ARL15: variants seen among roughly 807,000 people sequenced by gnomAD.
ARL15 encodes the protein ADP-ribosylation factor-like protein 15.
ARL15 carries 19 observed loss-of-function variants against 25.2 expected under a neutral mutation model. The observed-to-expected ratio is 0.75, with a 90% CI of 0.53 to 1.10. The LOEUF is 1.10. Among genes scored for constraint, ARL15 ranks in the 50% least tolerant of loss-of-function variants. ARL15 has a pLI of 0.00. For synonymous variants in ARL15, 94 were observed against 86.8 expected, an observed-to-expected ratio of 1.08 and a Z score of -0.46; for missense variants, 220 against 246.0, an observed-to-expected ratio of 0.89 and a Z score of 0.71.
chr5:54,170,042 G>A (rs1168278148), intron 2 of ARL15, among the ~76,000 whole-genome samples: 1 of 152,096 alleles, frequency 6.6e-6, no homozygotes, highest in Non-Finnish European at 1.5e-5. Context: ...AAAAGCTGAC[G>A]TGAACTGAAG....
chr5:54,262,943 T>C (rs919088267), intron 1 of ARL15, among the ~76,000 whole-genome samples: 2 of 152,290 alleles, frequency 1.3e-5, no homozygotes, highest in South Asian at 4.1e-4. Context: ...AGGGAGTCAC[T>C]GGGCAGTAAA....
intron 4 of ARL15, among the ~76,000 whole-genome samples, chr5:53,979,623 G>A (rs921575648): frequency 2.6e-5 from 4 of 152,060 alleles, no homozygotes; most frequent in Non-Finnish European, 5.9e-5. Flanking sequence ...TTTAGCAGAG[G>A]TGCCAGAAGC....
chr5:54,253,951 C>T (rs942721226), intron 1 of ARL15, among the ~76,000 whole-genome samples: 7 of 152,160 alleles, frequency 4.6e-5, no homozygotes, highest in African/African-American at 1.7e-4. Context: ...TTTTCCTAAA[C>T]TAAAAGAACT....
intron 1 of ARL15, among the ~76,000 whole-genome samples, chr5:54,272,771 T>C (rs1420703161): frequency 1.3e-5 from 2 of 152,200 alleles, no homozygotes; most frequent in Non-Finnish European, 2.9e-5. Context: ...AAGGTAAAAA[T>C]TGTTTTTTCC....
At chr5:53,990,542 C>A (rs75241215) in intron 4 of ARL15, among the ~76,000 whole-genome samples, 1 of 152,124 alleles carries the variant, frequency 6.6e-6, no homozygotes, top group South Asian at 2.1e-4. Flanking sequence ...ACAGCCAAGA[C>A]AGTTTAGCTC....
At chr5:53,951,393 G>A in intron 4 of ARL15, 1 of 422,660 alleles carries the variant, frequency 2.4e-6, no homozygotes. Context: ...CATATACTTT[G>A]GATGTTGCAG....
chr5:54,076,736 T>C (rs1396292612), intron 4 of ARL15, among the ~76,000 whole-genome samples: 1 of 151,940 alleles, frequency 6.6e-6, no homozygotes, highest in Admixed American at 6.6e-5. Flanking sequence ...ACTTAAAAGA[T>C]GAAACTAAAT....
chr5:54,299,511 G>A (rs928655637), intron 1 of ARL15, among the ~76,000 whole-genome samples: 1 of 150,206 alleles, frequency 6.7e-6, no homozygotes, highest in Non-Finnish European at 1.5e-5. Context: ...AAAATACTGA[G>A]CACTGTGCCT....
chr5:53,964,730 C>T (rs1237433824), intron 4 of ARL15, among the ~76,000 whole-genome samples: 12 of 152,268 alleles, frequency 7.9e-5, no homozygotes, highest in Admixed American at 4.6e-4. Flanking sequence ...TAGGGATTTT[C>T]GTATTCTTCT....
chr5:54,179,834 G>T (rs1477728557), intron 1 of ARL15, among the ~76,000 whole-genome samples: 1 of 151,730 alleles, frequency 6.6e-6, no homozygotes, highest in African/African-American at 2.4e-5. Flanking sequence ...CCTGGCCAAC[G>T]TGGTGAGACC....
chr5:54,004,940 C>T (rs1239953201), intron 4 of ARL15, among the ~76,000 whole-genome samples: 1 of 152,132 alleles, frequency 6.6e-6, no homozygotes, highest in Non-Finnish European at 1.5e-5. Flanking sequence ...TCAAAACAAT[C>T]CTGCAAAACA....
chr5:53,964,520 T>C lies in ARL15; in HGVS notation c.463-77807A>G, dbSNP rs560787786. Among the ~76,000 whole-genome samples, 156 of 152,130 alleles carry C rather than the reference T, an allele frequency of 1.0e-3. 3 individuals carry two copies. The highest frequency in any genetic ancestry group is 0.01 in the Middle Eastern group (3 of 294). On this transcript the variant is annotated intron_variant, in intron 4 of 4. Coordinates refer to ENST00000504924, the MANE Select transcript of ARL15 (RefSeq NM_019087.3). ...GACTACAGGCGCCCACCACCATGCCTGGCTAATTTTGTTTTGTATTTAGTA... is the reference window on the plus strand; with the variant it reads ...GACTACAGGCGCCCACCACCATGCCCGGCTAATTTTGTTTTGTATTTAGTA...
chr5:54,008,004 C>A (rs1342885351), intron 4 of ARL15, among the ~76,000 whole-genome samples: 1 of 152,182 alleles, frequency 6.6e-6, no homozygotes, highest in Non-Finnish European at 1.5e-5. Context: ...CACAGACCGG[C>A]TCCTGCTTTA....
At chr5:54,195,722 T>C (rs912779097) in intron 1 of ARL15, among the ~76,000 whole-genome samples, 1 of 152,174 alleles carries the variant, frequency 6.6e-6, no homozygotes, top group Non-Finnish European at 1.5e-5. Flanking sequence ...CTAATATATA[T>C]ATACATCTTT....
chr5:54,055,699 T>C (rs1247926045), intron 4 of ARL15, among the ~76,000 whole-genome samples: 1 of 152,084 alleles, frequency 6.6e-6, no homozygotes, highest in East Asian at 1.9e-4. Context: ...TGCCATTGTA[T>C]GATTATACTC....
intron 4 of ARL15, chr5:53,887,234 T>C (rs1055737564): frequency 3.4e-6 from 2 of 591,140 alleles, no homozygotes; most frequent in South Asian, 2.1e-5. Context: ...AAATTTCTAG[T>C]ATCTGCTTCT....
At chr5:54,284,302 G>T (rs1190002918) in intron 1 of ARL15, among the ~76,000 whole-genome samples, 1 of 152,076 alleles carries the variant, frequency 6.6e-6, no homozygotes, top group Non-Finnish European at 1.5e-5. Flanking sequence ...ACAGGGTTTT[G>T]CCATGTTTCC....
At chr5:53,989,365 C>G (rs1748406965) in intron 4 of ARL15, among the ~76,000 whole-genome samples, 1 of 152,160 alleles carries the variant, frequency 6.6e-6, no homozygotes, top group Admixed American at 6.5e-5. Flanking sequence ...ACTTTAAAGT[C>G]TAGTTATCCG....
At chr5:54,177,108 C>T (rs1387997641) in intron 1 of ARL15, among the ~76,000 whole-genome samples, 1 of 152,254 alleles carries the variant, frequency 6.6e-6, no homozygotes. Flanking sequence ...TAGACTGCTT[C>T]AGCTCACAGG....
Sources: gnomAD v4.1 joint callset for allele counts (sites outside exome capture counted in the v4.1 genomes callset) on GRCh38, gnomAD v4.1.1 for gene constraint, MANE v1.5 for transcripts, NCBI Gene and HGNC (gene_info 2026-07-23, HGNC 2026-07-21) for gene names.